The following STK3 variants were observed in gnomAD, a reference collection of about 807,000 sequenced individuals.
STK3 encodes the protein serine/threonine kinase 3, also known as serine/threonine-protein kinase 3.
In STK3, 41 loss-of-function variants were observed where a neutral mutation model predicts 58.0. The ratio of observed to expected loss-of-function variants is 0.71; its 90% CI spans 0.55 to 0.92. The LOEUF is 0.92. Ranked by LOEUF, STK3 falls within the 40% of genes least tolerant of loss-of-function variation. STK3 has a pLI of 0.00. For synonymous variants in STK3, 170 were observed against 191.0 expected (o/e 0.89, Z 0.91); for missense variants, 479 against 602.7 (o/e 0.79, Z 2.15).
intron 1 of STK3, among the ~76,000 whole-genome samples, chr8:98,884,246 C>T (rs1837900277): frequency 6.6e-6 from 1 of 152,014 alleles, no homozygotes; most frequent in African/African-American, 2.4e-5. Flanking sequence ...TTTCTTTATC[C>T]GTGTTGCTCT....
chr8:98,466,161 A>G (rs902064238), intron 10 of STK3, among the ~76,000 whole-genome samples: 1 of 152,226 alleles, frequency 6.6e-6, no homozygotes, highest in Non-Finnish European at 1.5e-5. Flanking sequence ...TTAACAAATT[A>G]AGTGATTAAT....
chr8:98,792,513 A>G (rs1832868092), intron 1 of STK3, among the ~76,000 whole-genome samples: 2 of 152,178 alleles, frequency 1.3e-5, no homozygotes, highest in South Asian at 4.1e-4. Flanking sequence ...GCTGACCAAC[A>G]TGGAGAAACC....
At chr8:98,504,806 T>C (rs533510366) in intron 10 of STK3, among the ~76,000 whole-genome samples, 5 of 152,324 alleles carry the variant, frequency 3.3e-5, no homozygotes, top group African/African-American at 1.2e-4. Flanking sequence ...GATCTTTCTC[T>C]CTGGCTGCCC....
At chr8:98,710,457 T>C (rs1370668999) in intron 4 of STK3, among the ~76,000 whole-genome samples, 1 of 152,174 alleles carries the variant, frequency 6.6e-6, no homozygotes, top group Non-Finnish European at 1.5e-5. Context: ...ACTGTGCTTT[T>C]CCAATGGTCT....
intron 6 of STK3, among the ~76,000 whole-genome samples, chr8:98,632,494 G>A (rs943191163): frequency 6.6e-6 from 1 of 152,174 alleles, no homozygotes; most frequent in Non-Finnish European, 1.5e-5. Flanking sequence ...TCACTGGAGA[G>A]AAAGACTGCA....
At chr8:98,707,976 T>C (rs1400206638) in intron 4 of STK3, among the ~76,000 whole-genome samples, 1 of 151,798 alleles carries the variant, frequency 6.6e-6, no homozygotes, top group Non-Finnish European at 1.5e-5. Context: ...TCGTCTCTAC[T>C]AAAAATACAA....
At chr8:98,760,172 C>T (rs928559288) in intron 3 of STK3, among the ~76,000 whole-genome samples, 1 of 152,096 alleles carries the variant, frequency 6.6e-6, no homozygotes, top group Non-Finnish European at 1.5e-5. Flanking sequence ...GACAGGGTAT[C>T]ACTCTGTCAC....
intron 4 of STK3, among the ~76,000 whole-genome samples, chr8:98,730,236 C>T (rs1204037231): frequency 6.6e-6 from 1 of 152,098 alleles, no homozygotes; most frequent in Non-Finnish European, 1.5e-5. Flanking sequence ...CAATATAAAA[C>T]AAGTCCACCA....
intron 8 of STK3, among the ~76,000 whole-genome samples, chr8:98,577,132 A>G (rs1185422212): frequency 6.6e-6 from 1 of 152,186 alleles, no homozygotes; most frequent in Non-Finnish European, 1.5e-5. Flanking sequence ...TTCCAGTTTA[A>G]CATAGTTGCT....
intron 6 of STK3, among the ~76,000 whole-genome samples, chr8:98,705,052 T>C (rs1358223132): frequency 1.3e-5 from 2 of 152,220 alleles, no homozygotes; most frequent in South Asian, 2.1e-4. Flanking sequence ...TTTCAAACAA[T>C]TGATGCATTT....
intron 4 of STK3, among the ~76,000 whole-genome samples, chr8:98,743,590 T>C (rs1391466622): frequency 6.6e-6 from 1 of 152,142 alleles, no homozygotes; most frequent in South Asian, 2.1e-4. Context: ...TAATTCAAGA[T>C]GGATTAAAGA....
chr8:98,668,604 A>G (rs910202890), intron 6 of STK3, among the ~76,000 whole-genome samples: 6 of 152,226 alleles, frequency 3.9e-5, no homozygotes, highest in Admixed American at 3.3e-4. Flanking sequence ...AAAATAATAC[A>G]AAATCTTTTT....
intron 6 of STK3, among the ~76,000 whole-genome samples, chr8:98,607,429 T>C (rs1356196434): frequency 6.6e-6 from 1 of 152,262 alleles, no homozygotes; most frequent in Non-Finnish European, 1.5e-5. Flanking sequence ...AACAAAACTG[T>C]AATCATTGTA....
intron 1 of STK3, among the ~76,000 whole-genome samples, chr8:98,777,759 A>C (rs1831798299): frequency 6.6e-6 from 1 of 152,234 alleles, no homozygotes; most frequent in Admixed American, 6.5e-5. Context: ...CATTTTAAAA[A>C]GCCATCCAAG....
intron 3 of STK3, among the ~76,000 whole-genome samples, chr8:98,752,964 T>A (rs1295628447): frequency 1.0e-4 from 15 of 146,960 alleles, no homozygotes; most frequent in African/African-American, 7.4e-5. Flanking sequence ...AAAAAACAGA[T>A]GCTGGCAAGG....
intron 6 of STK3, among the ~76,000 whole-genome samples, chr8:98,698,555 C>T (rs550623860): frequency 1.3e-5 from 2 of 152,252 alleles, no homozygotes; most frequent in Admixed American, 6.5e-5. Flanking sequence ...TTAGGGCAGG[C>T]CTGGTGGTGA....
the STK3 span, among the ~76,000 whole-genome samples, chr8:98,346,609 C>T: frequency 6.6e-6 from 1 of 151,778 alleles, no homozygotes; most frequent in Non-Finnish European, 1.5e-5. Context: ...AAGACCACAA[C>T]ATTCAAAGGG....
upstream of STK3, among the ~76,000 whole-genome samples, chr8:98,827,833 A>G (rs550264727): frequency 6.6e-6 from 1 of 152,228 alleles, no homozygotes; most frequent in African/African-American, 2.4e-5. Context: ...GTTTGCATTT[A>G]TTAAAGATCC....
downstream of STK3, chr8:98,880,008 C>G (rs1421863357): frequency 1.3e-5 from 2 of 152,130 alleles, no homozygotes; most frequent in African/African-American, 4.8e-5. Context: ...AGCCTGTAAT[C>G]CCAGCACTTT....
Sources: allele counts gnomAD v4.1 joint callset (sites outside exome capture counted in the v4.1 genomes callset), GRCh38; gene constraint gnomAD v4.1.1; transcripts MANE v1.5; gene names NCBI Gene and HGNC (gene_info 2026-07-23, HGNC 2026-07-21).